The following GATM variants were observed in gnomAD, a reference collection of about 807,000 sequenced individuals.
The protein encoded by GATM is glycine amidinotransferase.
Under a neutral mutation model 54.2 loss-of-function variants are expected in GATM, and 23 were observed. The observed-to-expected ratio is 0.42, with a 90% CI of 0.31 to 0.60. The LOEUF (loss-of-function observed/expected upper bound fraction) is 0.60. Ranked by LOEUF, GATM falls within the 20% of genes least tolerant of loss-of-function variation. GATM has a pLI of 0.14. For missense variants in GATM, 401 were observed against 544.9 expected (o/e 0.74, Z 2.63); for synonymous variants, 168 against 183.1 (o/e 0.92, Z 0.67).
intron 7 of GATM, 112 bp from the exon 8 acceptor site, chr15:45,364,128 T>C (rs1889409309): frequency 1.2e-5 from 9 of 757,342 alleles, no homozygotes; most frequent in Non-Finnish European, 2.2e-5. Context: ...TAGTTCACTT[T>C]CCATGTGAAC....
At chr15:45,376,522 G>T in intron 2 of GATM, 79 bp downstream of exon 2, 1 of 1,220,982 alleles carries the variant, frequency 8.2e-7, no homozygotes, top group Non-Finnish European at 1.2e-6. Context: ...GGAGTAAGCT[G>T]AAGGGAAAGC....
intron 1 of GATM, chr15:45,377,705 G>A (rs1390774097): frequency 6.1e-6 from 1 of 164,640 alleles, no homozygotes; most frequent in African/African-American, 2.4e-5. Flanking sequence ...ACCAGTTGCT[G>A]GGAGGAAGCC....
intron 2 of GATM, among the ~76,000 whole-genome samples, chr15:45,374,910 G>T (rs1889603995): frequency 6.6e-6 from 1 of 152,160 alleles, no homozygotes; most frequent in African/African-American, 2.4e-5. Context: ...GGACACTAAA[G>T]ATACATTTGT....
intron 4 of GATM, 116 bp from the exon 5 acceptor site, chr15:45,366,624 G>A: frequency 8.8e-7 from 1 of 1,135,000 alleles, no homozygotes; most frequent in Admixed American, 1.9e-5. Flanking sequence ...TTACTACTCA[G>A]TTCTAGACTA....
chr15:45,400,597 T>G (rs1180129334), intron 1 of GATM, among the ~76,000 whole-genome samples: 2 of 152,238 alleles, frequency 1.3e-5, no homozygotes, highest in Non-Finnish European at 2.9e-5. Context: ...AAAAGCAACA[T>G]GTAGTTTCCT....
upstream of GATM, chr15:45,379,398 A>G: frequency 6.6e-6 from 1 of 152,124 alleles, no homozygotes; most frequent in South Asian, 2.1e-4. Context: ...ATAGAATTAT[A>G]ACTATTCATT....
upstream of GATM, chr15:45,379,654 A>C (rs1460857392): frequency 6.6e-6 from 1 of 152,306 alleles, no homozygotes; most frequent in Admixed American, 6.5e-5. Flanking sequence ...TGAGAGGCCA[A>C]AATGAGAGAT....
At chr15:45,363,435 GAC>G (rs1889398331) in intron 8 of GATM, among the ~76,000 whole-genome samples, 1 of 152,154 alleles carries the variant, frequency 6.6e-6, no homozygotes, top group Non-Finnish European at 1.5e-5. Flanking sequence ...ATGATTTACT[GAC>G]ACACTTTCTT....
chr15:45,377,575 C>T, intron 1 of GATM: 1 of 288,236 alleles, frequency 3.5e-6, no homozygotes, highest in Non-Finnish European at 6.7e-6. Flanking sequence ...GTCCCTCAAC[C>T]CCTGAGCAAA....
rs565398930 is a variant in GATM at position 45,368,915 on chromosome 15, A to G, written c.484+411T>C. Among the ~76,000 whole-genome samples, 1 of 152,306 alleles carries G rather than the reference A, an allele frequency of 6.6e-6. No homozygotes were observed. The highest frequency in any genetic ancestry group is 2.4e-5 in the African/African-American group (1 of 41,566). On this transcript the variant is annotated intron_variant, in intron 3 of 8. Coordinates refer to ENST00000396659, the MANE Select transcript of GATM (RefSeq NM_001482.3). The surrounding 1 kb of genome is among the most constrained non-coding windows in gnomAD (Gnocchi z 5.1). The stretch of plus-strand genomic sequence containing the variant: ...GGACTATCGGTATCACAAGATAAAA[A>G]TTGAGCCAAGGATCAATCTAAAACT...
intron 1 of GATM, chr15:45,377,197 A>G (rs1889653251): frequency 2.1e-6 from 1 of 473,054 alleles, no homozygotes; most frequent in African/African-American, 2.0e-5. Context: ...GCTGCTCTAA[A>G]ACTTCCCGCC....
In GATM at chr15:45,366,562, T is replaced by C. The variant is rs1038653266; in HGVS notation, c.676-54A>G. On this transcript the variant is annotated intron_variant, in intron 4 of 8. Coordinates refer to ENST00000396659, the MANE Select transcript of GATM (RefSeq NM_001482.3). ...ATGCACTGGATCATGAGAAAATTAT[T>C]CATAAGGCATACAGTACTAAGAAAA... 21 of 1,594,866 alleles carry C rather than the reference T, an allele frequency of 1.3e-5. No homozygotes were observed. The African/African-American group carries it at 2.8e-4, about 21-fold the overall frequency.
At chr15:45,364,893 A>T in intron 6 of GATM, 33 bp from the exon 7 acceptor site, 1 of 1,536,652 alleles carries the variant, frequency 6.5e-7, no homozygotes, top group Non-Finnish European at 9.0e-7. Context: ...CAAAACCGTT[A>T]AATCTACATA....
At chr15:45,389,945 C>T (rs1225583802) in intron 3 of GATM, among the ~76,000 whole-genome samples, 3 of 151,988 alleles carry the variant, frequency 2.0e-5, no homozygotes, top group Non-Finnish European at 4.4e-5. Flanking sequence ...CTGCAACCTC[C>T]ACCTCCCAGG....
intron 3 of GATM, among the ~76,000 whole-genome samples, chr15:45,384,240 T>C (rs1889778536): frequency 6.6e-6 from 1 of 152,272 alleles, no homozygotes; most frequent in South Asian, 2.1e-4. Flanking sequence ...TGCTGCCATC[T>C]TGATATTTCA....
At chr15:45,364,770 T>G in intron 7 of GATM, 27 bp downstream of exon 7, 1 of 1,588,736 alleles carries the variant, frequency 6.3e-7, no homozygotes, top group Non-Finnish European at 8.6e-7. Flanking sequence ...ATTATTTTAG[T>G]CTAACAGTGT....
chr15:45,399,962 C>T (rs1889979303), intron 1 of GATM, among the ~76,000 whole-genome samples: 2 of 152,232 alleles, frequency 1.3e-5, no homozygotes. Context: ...TGGCTCATGC[C>T]TGTAATCTCA....
In GATM at chr15:45,369,438, A is replaced by G. The variant is rs778136428; in HGVS notation, c.372T>C (p.Val124=). Residue 124 remains valine, a synonymous_variant, in exon 3 of 9, where the codon GTT becomes GTC. Transcript: ENST00000396659. ...YFPKDHLKKA[V]AEIEEMCNIL... Reference sequence around the variant, plus strand: ...TATTGCACATTTCTTCAATTTCAGCAACAGCCTTTTTCAAATGATCTTTGG... The same window carrying G: ...TATTGCACATTTCTTCAATTTCAGCGACAGCCTTTTTCAAATGATCTTTGG... 6.2e-7 allele frequency: 1 copy of G among 1,614,166 alleles called. No homozygotes were observed. The highest frequency in any genetic ancestry group is 1.1e-5 in the South Asian group (1 of 91,086).
At chr15:45,392,379 G>A (rs1033138386) in intron 3 of GATM, among the ~76,000 whole-genome samples, 15 of 152,202 alleles carry the variant, frequency 9.9e-5, no homozygotes, top group African/African-American at 1.4e-4. Flanking sequence ...GTGCGTGTGC[G>A]TGCATGTGTG....
Sources: allele counts gnomAD v4.1 joint callset (sites outside exome capture counted in the v4.1 genomes callset), GRCh38; gene constraint gnomAD v4.1.1; non-coding constraint Gnocchi (gnomAD v3.1); transcripts MANE v1.5; gene names NCBI Gene and HGNC (gene_info 2026-07-23, HGNC 2026-07-21).